The following MAP3K5 variants were observed in gnomAD, a reference collection of about 807,000 sequenced individuals.
MAP3K5 encodes the protein ASK-1.
MAP3K5 carries 56 observed loss-of-function variants against 158.7 expected under a neutral mutation model. That is an observed-to-expected ratio of 0.35 (90% CI 0.28 to 0.44). The LOEUF (loss-of-function observed/expected upper bound fraction) is 0.44. Among genes scored for constraint, MAP3K5 ranks in the 20% least tolerant of loss-of-function variants. MAP3K5 has a pLI of 1.00. For missense variants in MAP3K5, 1,294 were observed against 1,674.8 expected, an observed-to-expected ratio of 0.77 and a Z score of 3.97; for synonymous variants, 579 against 601.7, an observed-to-expected ratio of 0.96 and a Z score of 0.55.
chr6:136,582,748 A>G (rs1774946672), intron 24 of MAP3K5, among the ~76,000 whole-genome samples: 1 of 152,252 alleles, frequency 6.6e-6, no homozygotes, highest in Non-Finnish European at 1.5e-5. Context: ...TTTGGAATTT[A>G]AATAAAATTA....
At chr6:136,608,605 A>G (rs530252435) in intron 18 of MAP3K5, among the ~76,000 whole-genome samples, 10 of 152,224 alleles carry the variant, frequency 6.6e-5, no homozygotes, top group African/African-American at 2.4e-4. Flanking sequence ...GAAGATAATT[A>G]ATTCCCTTTG....
chr6:136,688,457 C>G (rs1464893392), intron 7 of MAP3K5, among the ~76,000 whole-genome samples: 1 of 152,074 alleles, frequency 6.6e-6, no homozygotes, highest in African/African-American at 2.4e-5. Flanking sequence ...AGCTCTAACA[C>G]CATTTTCTGT....
Position 136,791,724 on chromosome 6 carries a change from C to T in MAP3K5, c.434G>A (p.Arg145His). Residue 145 changes from arginine to histidine, a missense_variant, in exon 1 of 30, where the codon CGC (arginine) becomes CAC (histidine). This residue lies in a region of MAP3K5 where 690 missense variants were observed against 870.5 expected (regional missense o/e 0.79). Coordinates refer to ENST00000359015, the MANE Select transcript of MAP3K5 (RefSeq NM_005923.4). ...CACACACGCACCTGCATTGTAAAAGCGGTCCAGCACGGTGGTTTCTCCAAA... is the reference window on the plus strand; with the variant it reads ...CACACACGCACCTGCATTGTAAAAGTGGTCCAGCACGGTGGTTTCTCCAAA... Reference protein sequence around the residue: ...LDFGETTVLDRFYNADIAVVE... With the variant: ...LDFGETTVLDHFYNADIAVVE... 1 of 1,613,232 alleles carries T rather than the reference C, an allele frequency of 6.2e-7. No homozygotes were observed. Among genetic ancestry groups the T allele is most frequent in the Non-Finnish European group, 8.5e-7 (1 of 1,180,004 alleles).
intron 11 of MAP3K5, among the ~76,000 whole-genome samples, chr6:136,645,449 T>C (rs1382020214): frequency 6.6e-6 from 1 of 152,134 alleles, no homozygotes; most frequent in South Asian, 2.1e-4. Flanking sequence ...AGTCCTCCAC[T>C]AGGCCCCTGC....
intron 7 of MAP3K5, among the ~76,000 whole-genome samples, chr6:136,673,142 A>G (rs1348082619): frequency 6.6e-6 from 1 of 152,210 alleles, no homozygotes; most frequent in Admixed American, 6.5e-5. Context: ...CCTATCAATT[A>G]AAAGTTCAAG....
Position 136,723,625 on chromosome 6 carries a change from T to A in MAP3K5, c.449-3036A>T, listed in dbSNP as rs1781836398. On this transcript the variant is annotated intron_variant, in intron 1 of 29. Transcript: ENST00000359015. ...TAAAATGAACAACATTCAAGACCTGTGTGATGGAATATAAAACCAAAGTGC... is the reference window on the plus strand; with the variant it reads ...TAAAATGAACAACATTCAAGACCTGAGTGATGGAATATAAAACCAAAGTGC... 3.3e-5 allele frequency among the ~76,000 whole-genome samples: 5 copies of A among 152,184 alleles called. No individual in the cohort carries two copies. In the South Asian group the frequency reaches 1.0e-3, roughly 32 times the overall value.
intron 7 of MAP3K5, among the ~76,000 whole-genome samples, chr6:136,691,229 A>T (rs1317757120): frequency 2.6e-5 from 4 of 152,150 alleles, no homozygotes; most frequent in Non-Finnish European, 5.9e-5. Context: ...GTTTGAACAG[A>T]TTTGGATAAT....
At chr6:136,575,824 A>C (rs1012136865) in intron 25 of MAP3K5, among the ~76,000 whole-genome samples, 3 of 152,192 alleles carry the variant, frequency 2.0e-5, no homozygotes, top group African/African-American at 7.2e-5. Context: ...TACCTTGATC[A>C]TTTGGTTGAG....
Position 136,658,305 on chromosome 6 carries a change from C to CTTTTTTTTTTTTTTTTTTTTTTTTTTTTT in MAP3K5, c.1526+913_1526+914insAAAAAAAAAAAAAAAAAAAAAAAAAAAAA, listed in dbSNP as rs201524930. ...CTTTTTCTTTTTCTTTTCTTTCTTTCTTTCTTTCTTTTTTTTTTTTTTTTT... is the reference window on the plus strand; with the variant it reads ...CTTTTTCTTTTTCTTTTCTTTCTTTCTTTTTTTTTTTTTTTTTTTTTTTTTTTTTTTTCTTTCTTTTTTTTTTTTTTTTT... On this transcript the variant is annotated intron_variant, in intron 9 of 29. Coordinates refer to ENST00000359015, the MANE Select transcript of MAP3K5 (RefSeq NM_005923.4). Among the ~76,000 whole-genome samples the CTTTTTTTTTTTTTTTTTTTTTTTTTTTTT allele has an allele frequency of 2.7e-5, 3 of 112,232 alleles. 1 individual carries two copies. The highest frequency in any genetic ancestry group is 3.5e-5 in the African/African-American group (1 of 28,760). 73.6% of individuals were successfully genotyped at this position (112,232 alleles called of 152,430 possible).
chr6:136,759,338 A>T (rs1783636170), intron 1 of MAP3K5, among the ~76,000 whole-genome samples: 1 of 151,544 alleles, frequency 6.6e-6, no homozygotes, highest in Admixed American at 6.6e-5. Flanking sequence ...CCATGTTCCT[A>T]TAAAGATAAA....
At chr6:136,700,815 T>C (rs777430580) in intron 3 of MAP3K5, among the ~76,000 whole-genome samples, 11 of 152,146 alleles carry the variant, frequency 7.2e-5, no homozygotes, top group Non-Finnish European at 1.3e-4. Flanking sequence ...AGAAAAATCA[T>C]AGAAAAAGGC....
intron 1 of MAP3K5, among the ~76,000 whole-genome samples, chr6:136,730,153 G>GT (rs60058823): frequency 0.3 from 40,229 of 132,794 alleles, 6,354 homozygotes; most frequent in Middle Eastern, 0.43. Flanking sequence ...TTGTTTGGTT[G>GT]TTTTTTTTTT....
At chr6:136,579,826 C>G (rs1774788603) in intron 25 of MAP3K5, 3 of 456,504 alleles carry the variant, frequency 6.6e-6, no homozygotes, top group Non-Finnish European at 1.3e-5. Flanking sequence ...AAATCAGATT[C>G]CTGGGCTTTA....
chr6:136,624,274 A>G (rs945769159), intron 14 of MAP3K5, among the ~76,000 whole-genome samples: 3 of 152,226 alleles, frequency 2.0e-5, no homozygotes, highest in African/African-American at 7.2e-5. Context: ...GAAGAGGGCA[A>G]TGATCATGAG....
chr6:136,599,810 G>A (rs1775796602), intron 21 of MAP3K5, among the ~76,000 whole-genome samples: 1 of 152,188 alleles, frequency 6.6e-6, no homozygotes, highest in Non-Finnish European at 1.5e-5. Flanking sequence ...TGAAGTCAGT[G>A]CCCATTTTAG....
At chr6:136,781,761 C>A (rs1279588521) in intron 1 of MAP3K5, among the ~76,000 whole-genome samples, 1 of 152,194 alleles carries the variant, frequency 6.6e-6, no homozygotes, top group East Asian at 1.9e-4. Context: ...AAAATCACCC[C>A]AACCTCAGAG....
intron 2 of MAP3K5, among the ~76,000 whole-genome samples, chr6:136,712,702 C>G (rs1452649269): frequency 6.6e-6 from 1 of 152,142 alleles, no homozygotes; most frequent in Non-Finnish European, 1.5e-5. Context: ...AATCTCAACT[C>G]GAATTGTAGC....
intron 2 of MAP3K5, 146 bp downstream of exon 2, chr6:136,720,304 T>C: frequency 1.6e-6 from 1 of 633,380 alleles, no homozygotes; most frequent in Non-Finnish European, 2.4e-6. Flanking sequence ...TCGATAAACC[T>C]CCCAATTTGA....
chr6:136,769,972 T>C lies in MAP3K5; in HGVS notation c.448+21738A>G, dbSNP rs116043749. Among the ~76,000 whole-genome samples, 532 of 152,008 alleles carry C rather than the reference T, an allele frequency of 3.5e-3. 2 individuals carry two copies. Among genetic ancestry groups the C allele is most frequent in the African/African-American group, 0.012 (511 of 41,478 alleles). On this transcript the variant is annotated intron_variant, in intron 1 of 29. Coordinates refer to ENST00000359015, the MANE Select transcript of MAP3K5 (RefSeq NM_005923.4). ...AGGAAGGAAAAGGTGAAGTTTAAAA[T>C]AGACAGCTACTATATACATCAGTAA...
Sources: allele counts gnomAD v4.1 joint callset (sites outside exome capture counted in the v4.1 genomes callset), GRCh38; gene constraint gnomAD v4.1.1; regional missense constraint gnomAD v4.1.1; transcripts MANE v1.5; gene names NCBI Gene and HGNC (gene_info 2026-07-23, HGNC 2026-07-21).